Variants in IRAK3 observed in about 807,000 individuals in gnomAD.
IRAK3 encodes interleukin-1 receptor-associated kinase 3.
IRAK3 carries 57 observed loss-of-function variants against 56.6 expected under a neutral mutation model. That is an observed-to-expected ratio of 1.01 (90% CI 0.81 to 1.26). IRAK3 has a LOEUF of 1.26. Ranked by LOEUF, IRAK3 falls within the 50% of genes most tolerant of loss-of-function variation. The probability of loss-of-function intolerance (pLI) is 0.00; values close to 1 mark genes in which losing one functional copy is unlikely to be tolerated. For missense variants in IRAK3, 703 were observed against 719.0 expected, an observed-to-expected ratio of 0.98 and a Z score of 0.25; for synonymous variants, 258 against 255.7, an observed-to-expected ratio of 1.01 and a Z score of -0.09.
At chr12:66,204,234 A>C (rs570096952) in intron 2 of IRAK3, among the ~76,000 whole-genome samples, 1 of 152,310 alleles carries the variant, frequency 6.6e-6, no homozygotes, top group South Asian at 2.1e-4. Flanking sequence ...AGTCATAAAC[A>C]GTTGGAATCA....
At chr12:66,224,259 A>G (rs1400835495) in intron 6 of IRAK3, among the ~76,000 whole-genome samples, 1 of 152,156 alleles carries the variant, frequency 6.6e-6, no homozygotes, top group Non-Finnish European at 1.5e-5. Context: ...TACCTTTTCT[A>G]TAAGATCCAA....
chr12:66,206,523 T>C (rs183353333), intron 2 of IRAK3, among the ~76,000 whole-genome samples: 11 of 151,716 alleles, frequency 7.3e-5, no homozygotes, highest in African/African-American at 1.2e-4. Flanking sequence ...GTGTATTACA[T>C]TGATTGATTT....
intron 5 of IRAK3, among the ~76,000 whole-genome samples, 174 bp from the exon 6 acceptor site, chr12:66,216,997 G>A (rs1445316934): frequency 6.6e-6 from 1 of 152,110 alleles, no homozygotes; most frequent in African/African-American, 2.4e-5. Context: ...TCTCTTTTGG[G>A]GCTAATGGAT....
intron 1 of IRAK3, among the ~76,000 whole-genome samples, chr12:66,191,395 A>C (rs936710070): frequency 3.3e-5 from 5 of 152,188 alleles, no homozygotes; most frequent in Admixed American, 3.3e-4. Flanking sequence ...AACTTGTTAG[A>C]TACTGTAGAC....
At chr12:66,236,395 C>CAAAA (rs56074285) in intron 8 of IRAK3, among the ~76,000 whole-genome samples, 3 of 110,376 alleles carry the variant, frequency 2.7e-5, no homozygotes, top group African/African-American at 1.1e-4. Flanking sequence ...CTAAAAATAC[C>CAAAA]AAAAAAAAAA....
chr12:66,244,016 A>G (rs771512742), intron 8 of IRAK3, among the ~76,000 whole-genome samples: 4 of 152,276 alleles, frequency 2.6e-5, no homozygotes, highest in African/African-American at 9.6e-5. Context: ...CCATGAGGGC[A>G]GGGACTACCA....
chr12:66,230,649 A>G (rs569761449), intron 8 of IRAK3, among the ~76,000 whole-genome samples: 1 of 140,624 alleles, frequency 7.1e-6, no homozygotes, highest in South Asian at 2.6e-4. Context: ...CTGGAACCCA[A>G]GGAGGGAGCC....
chr12:66,189,798 G>T (rs1252307377), intron 1 of IRAK3, among the ~76,000 whole-genome samples: 3 of 152,176 alleles, frequency 2.0e-5, no homozygotes, highest in Non-Finnish European at 4.4e-5. Context: ...CATCATTTTA[G>T]TATTGAGACA....
rs187821825 is a variant in IRAK3 at position 66,221,007 on chromosome 12, G to A, written c.653+3772G>A. 3.2e-3 allele frequency among the ~76,000 whole-genome samples: 493 copies of A among 152,270 alleles called. 3 individuals are homozygous for A. Among genetic ancestry groups the A allele is most frequent in the Non-Finnish European group, 4.8e-3 (325 of 68,030 alleles). On this transcript the variant is annotated intron_variant, in intron 6 of 11. Coordinates refer to ENST00000261233, the MANE Select transcript of IRAK3 (RefSeq NM_007199.3). The stretch of plus-strand genomic sequence containing the variant: ...AATTCTTTCAATTCAGGTATGTAAT[G>A]CATCTTTCCATTTATTTGTGTCTTC...
Position 66,249,526 on chromosome 12 carries a change from T to C in IRAK3, c.*1355T>C, listed in dbSNP as rs2053074915. On this transcript the variant is annotated 3_prime_UTR_variant, in exon 12 of 12. Transcript: ENST00000261233. ...GTTTTCTATTGTTTTTGTAACACAT[T>C]ATCACAAATTTAGTGACTTAAAGTA... 6.6e-6 allele frequency: 1 copy of C among 152,244 alleles called. No homozygotes were observed. 9.4% of individuals were successfully genotyped at this position (152,244 alleles called of 1,614,324 possible).
At chr12:66,236,006 T>TG (rs1249636434) in intron 8 of IRAK3, among the ~76,000 whole-genome samples, 15 of 152,248 alleles carry the variant, frequency 9.9e-5, no homozygotes, top group Admixed American at 9.8e-4. Context: ...CTCAAGTTAC[T>TG]AAATGAAATC....
intron 6 of IRAK3, among the ~76,000 whole-genome samples, chr12:66,220,485 C>T (rs190636154): frequency 1.0e-4 from 15 of 145,768 alleles, no homozygotes; most frequent in East Asian, 6.0e-4. Flanking sequence ...GAAATCAGGA[C>T]GTGAATGCCT....
intron 8 of IRAK3, among the ~76,000 whole-genome samples, chr12:66,243,834 A>T (rs531651107): frequency 2.6e-5 from 4 of 152,208 alleles, no homozygotes; most frequent in Non-Finnish European, 5.9e-5. Context: ...CTTTGAAGGT[A>T]AAAGTAAGCC....
intron 6 of IRAK3, among the ~76,000 whole-genome samples, chr12:66,223,711 T>A (rs1261483664): frequency 6.6e-6 from 1 of 150,890 alleles, no homozygotes; most frequent in African/African-American, 2.5e-5. Context: ...ACATTACTTT[T>A]TTTTATTTTT....
At chr12:66,216,526 G>A (rs2052678618) in intron 5 of IRAK3, among the ~76,000 whole-genome samples, 2 of 152,104 alleles carry the variant, frequency 1.3e-5, no homozygotes, top group African/African-American at 4.8e-5. Context: ...GGTAGAAGTT[G>A]GAAACCTGAG....
At position 66,226,741 on chromosome 12, in the gene IRAK3, A is replaced by C. The variant is rs914861726; in HGVS notation, c.672A>C (p.Ile224=). Residue 224 remains isoleucine, a synonymous_variant, in exon 7 of 12, where the codon ATA becomes ATC. Coordinates refer to ENST00000261233, the MANE Select transcript of IRAK3 (RefSeq NM_007199.3). ...TTTCAAGGTTTCATCACCCAAACATACTAGAGTTGGCTGCATATTTTACAG... is the reference window on the plus strand; with the variant it reads ...TTTCAAGGTTTCATCACCCAAACATCCTAGAGTTGGCTGCATATTTTACAG... ...EVLLLFHHPN[I]LELAAYFTET... is the part of the protein sequence containing the mutation. The C allele has an allele frequency of 6.2e-7, 1 of 1,602,898 alleles. No homozygotes were observed. The highest frequency in any genetic ancestry group is 8.5e-7 in the Non-Finnish European group (1 of 1,169,866).
chr12:66,227,129 A>T (rs1214254504), intron 7 of IRAK3, among the ~76,000 whole-genome samples: 1 of 152,262 alleles, frequency 6.6e-6, no homozygotes, highest in Non-Finnish European at 1.5e-5. Flanking sequence ...ATTATATTTG[A>T]TTCTGTACCT....
intron 8 of IRAK3, among the ~76,000 whole-genome samples, chr12:66,232,145 T>C (rs2052850641): frequency 6.6e-6 from 1 of 152,216 alleles, no homozygotes; most frequent in Non-Finnish European, 1.5e-5. Context: ...GAAATGCATC[T>C]AGCAATGTAT....
rs1253895074 is a variant in IRAK3, at chr12:66,245,006, A to G, written c.1145A>G (p.Gln382Arg). The G allele has an allele frequency of 6.2e-7, 1 of 1,613,658 alleles. No individual in the cohort carries two copies. The highest frequency in any genetic ancestry group is 1.3e-5 in the African/African-American group (1 of 74,910). ...RVVLDDPKHI[Q>R]LRDLLRELME... ...GTGTTAGATGATCCAAAACATATCC[A>G]GCTGGTAAGAATTGTTTTCATCCTG... The change falls in exon 10 of 12, where the codon CAG becomes CGG. Residue 382 changes from glutamine to arginine, a missense_variant. Physicochemically the swap from Gln to Arg is conservative, Grantham distance 43 (BLOSUM62 1). Coordinates refer to ENST00000261233, the MANE Select transcript of IRAK3 (RefSeq NM_007199.3).
Sources: allele counts gnomAD v4.1 joint callset (sites outside exome capture counted in the v4.1 genomes callset), GRCh38; gene constraint gnomAD v4.1.1; transcripts MANE v1.5; gene names NCBI Gene and HGNC (gene_info 2026-07-23, HGNC 2026-07-21).